Variants in LSAMP observed in about 807,000 individuals in gnomAD.
The protein encoded by LSAMP is limbic system-associated membrane protein.
LSAMP carries 7 observed loss-of-function variants against 38.6 expected under a neutral mutation model. The ratio of observed to expected loss-of-function variants is 0.18; its 90% CI spans 0.10 to 0.34. The LOEUF is 0.34. LSAMP is among the 10% of genes least tolerant of loss of function. The pLI, the probability that LSAMP is intolerant of heterozygous loss-of-function variation, is 1.00. For missense variants in LSAMP, 313 were observed against 420.0 expected, an observed-to-expected ratio of 0.75 and a Z score of 2.23; for synonymous variants, 154 against 166.8, an observed-to-expected ratio of 0.92 and a Z score of 0.59.
At chr3:116,385,633 G>A (rs1477936482) in intron 1 of LSAMP, among the ~76,000 whole-genome samples, 2 of 152,090 alleles carry the variant, frequency 1.3e-5, no homozygotes, top group Non-Finnish European at 2.9e-5. Flanking sequence ...ATTATTAAGA[G>A]ACTCATGATT....
chr3:116,180,506 G>T (rs910125250), intron 1 of LSAMP, among the ~76,000 whole-genome samples: 7 of 152,052 alleles, frequency 4.6e-5, no homozygotes, highest in Admixed American at 3.9e-4. Context: ...GAAGAACATA[G>T]GTGGTGTGAT....
chr3:116,255,193 T>C (rs2046733884), intron 1 of LSAMP, among the ~76,000 whole-genome samples: 2 of 152,276 alleles, frequency 1.3e-5, no homozygotes, highest in African/African-American at 4.8e-5. Context: ...GCTTATGTAC[T>C]GACTTGAGAA....
intron 1 of LSAMP, among the ~76,000 whole-genome samples, chr3:116,208,152 C>T (rs2046096660): frequency 6.6e-6 from 1 of 151,928 alleles, no homozygotes. Context: ...TCATTCATTT[C>T]ATCTTCCATC....
intron 1 of LSAMP, among the ~76,000 whole-genome samples, chr3:116,337,657 G>GACCC (rs778608468): frequency 5.9e-5 from 9 of 151,958 alleles, no homozygotes; most frequent in Non-Finnish European, 1.0e-4. Flanking sequence ...AACTTCAAAA[G>GACCC]ACCCTCTTAG....
intron 2 of LSAMP, among the ~76,000 whole-genome samples, chr3:116,053,106 A>ATATGGATC (rs1291072597): frequency 6.6e-6 from 1 of 152,214 alleles, no homozygotes; most frequent in Non-Finnish European, 1.5e-5. Flanking sequence ...AAATATGGAA[A>ATATGGATC]TATGGATCTC....
chr3:116,178,315 C>T lies in LSAMP; in HGVS notation c.156-91759G>A, dbSNP rs201003246. On this transcript the variant is annotated intron_variant, in intron 1 of 6. Coordinates refer to ENST00000490035, the MANE Select transcript of LSAMP (RefSeq NM_002338.5). ...CCGAGAACCCGGGACTACAGGCACACGCCACCATGCTCGGCTAATTTTTTA... is the reference window on the plus strand; with the variant it reads ...CCGAGAACCCGGGACTACAGGCACATGCCACCATGCTCGGCTAATTTTTTA... Among the ~76,000 whole-genome samples the T allele has an allele frequency of 5.3e-5, 8 of 152,232 alleles. 1 individual carries two copies. The highest frequency in any genetic ancestry group is 4.2e-4 in the South Asian group (2 of 4,816).
At chr3:116,387,348 T>C (rs998798847) in intron 1 of LSAMP, among the ~76,000 whole-genome samples, 19 of 152,066 alleles carry the variant, frequency 1.2e-4, no homozygotes, top group African/African-American at 4.3e-4. Context: ...ATCACTACAA[T>C]TAGAACAATT....
At chr3:116,413,644 T>C (rs983375002) in intron 1 of LSAMP, among the ~76,000 whole-genome samples, 1 of 152,078 alleles carries the variant, frequency 6.6e-6, no homozygotes, top group Admixed American at 6.6e-5. Flanking sequence ...TCTCATCCAC[T>C]GGTTCCTATG....
chr3:116,250,099 T>C (rs1162764301), intron 1 of LSAMP, among the ~76,000 whole-genome samples: 2 of 152,218 alleles, frequency 1.3e-5, no homozygotes, highest in Non-Finnish European at 2.9e-5. Context: ...ATGTCTTTTG[T>C]TGTCCCAGAA....
chr3:115,984,641 T>C (rs1939460013), intron 3 of LSAMP, among the ~76,000 whole-genome samples: 1 of 152,232 alleles, frequency 6.6e-6, no homozygotes, highest in South Asian at 2.1e-4. Flanking sequence ...CTAGTATTAA[T>C]ATTAAGAATC....
At chr3:116,206,682 A>C (rs1490835221) in intron 1 of LSAMP, among the ~76,000 whole-genome samples, 1 of 151,860 alleles carries the variant, frequency 6.6e-6, no homozygotes. Flanking sequence ...ATTCAGGAGC[A>C]GGTTGTTCAG....
At chr3:116,031,049 A>G (rs1274044491) in intron 2 of LSAMP, among the ~76,000 whole-genome samples, 1 of 152,148 alleles carries the variant, frequency 6.6e-6, no homozygotes, top group African/African-American at 2.4e-5. Context: ...ATGTGAGGAA[A>G]TATTGCCTAT....
chr3:115,844,565 G>A (rs1179725367), intron 4 of LSAMP, among the ~76,000 whole-genome samples: 1 of 152,166 alleles, frequency 6.6e-6, no homozygotes, highest in Non-Finnish European at 1.5e-5. Flanking sequence ...GAGGTTCTGG[G>A]CTTGGATTTA....
intron 1 of LSAMP, among the ~76,000 whole-genome samples, chr3:116,229,288 T>C (rs923357794): frequency 1.3e-5 from 2 of 152,122 alleles, no homozygotes; most frequent in African/African-American, 4.8e-5. Flanking sequence ...GAAGTCATAA[T>C]ATATTCTCAG....
intron 1 of LSAMP, among the ~76,000 whole-genome samples, chr3:116,378,937 G>A (rs955911072): frequency 1.3e-5 from 2 of 151,194 alleles, no homozygotes; most frequent in East Asian, 3.9e-4. Context: ...AGTAATGCAT[G>A]TCCCAGGATT....
chr3:116,114,815 T>C (rs1708706780), intron 1 of LSAMP, among the ~76,000 whole-genome samples: 2 of 152,256 alleles, frequency 1.3e-5, no homozygotes, highest in African/African-American at 4.8e-5. Flanking sequence ...GTCATAAAGT[T>C]AGGAATTTCA....
chr3:115,848,690 G>A (rs2107516661), intron 4 of LSAMP, among the ~76,000 whole-genome samples: 1 of 152,260 alleles, frequency 6.6e-6, no homozygotes, highest in South Asian at 2.1e-4. Context: ...AGACACCAGG[G>A]TGGAGGCAGA....
chr3:116,190,088 G>GACACACACACACACAC (rs3071108), intron 1 of LSAMP, among the ~76,000 whole-genome samples: 1,482 of 142,740 alleles, frequency 0.01, 25 homozygotes, highest in South Asian at 0.013. Flanking sequence ...TCCAGTAGTA[G>GACACACACACACACAC]ACACACACAC....
chr3:116,080,153 A>G (rs1202443502), intron 2 of LSAMP, among the ~76,000 whole-genome samples: 2 of 152,166 alleles, frequency 1.3e-5, no homozygotes, highest in African/African-American at 4.8e-5. Flanking sequence ...ATAAATCTCT[A>G]CCTCCACATC....
Sources: gnomAD v4.1 joint callset for allele counts (sites outside exome capture counted in the v4.1 genomes callset) on GRCh38, gnomAD v4.1.1 for gene constraint, MANE v1.5 for transcripts, NCBI Gene and HGNC (gene_info 2026-07-23, HGNC 2026-07-21) for gene names.